KLHL1: variants seen among roughly 807,000 people sequenced by gnomAD.
The protein encoded by KLHL1 is kelch like family member 1, also known as kelch-like protein 1.
In KLHL1, 47 loss-of-function variants were observed where a neutral mutation model predicts 77.7. The ratio of observed to expected loss-of-function variants is 0.60; its 90% CI spans 0.48 to 0.77. KLHL1 has a LOEUF of 0.77. KLHL1 is among the 30% of genes least tolerant of loss of function. The pLI is 0.00. For synonymous variants in KLHL1, 360 were observed against 325.2 expected (o/e 1.11, Z -1.15); for missense variants, 925 against 910.8 (o/e 1.02, Z -0.20).
intron 5 of KLHL1, among the ~76,000 whole-genome samples, chr13:69,840,734 G>A (rs1879224124): frequency 6.7e-6 from 1 of 150,320 alleles, no homozygotes; most frequent in Admixed American, 6.7e-5. Context: ...ATGTATGTAT[G>A]TATAGAAGAT....
intron 7 of KLHL1, among the ~76,000 whole-genome samples, chr13:69,791,023 A>C (rs1463887558): frequency 1.3e-5 from 2 of 152,142 alleles, no homozygotes; most frequent in Non-Finnish European, 2.9e-5. Context: ...TGAATGCTGG[A>C]GGGTCAAGCC....
chr13:69,869,132 A>C (rs1339696252), intron 5 of KLHL1, among the ~76,000 whole-genome samples: 1 of 152,028 alleles, frequency 6.6e-6, no homozygotes, highest in Non-Finnish European at 1.5e-5. Context: ...AATATAAAAG[A>C]AAAAAAGGGG....
intron 5 of KLHL1, among the ~76,000 whole-genome samples, chr13:69,850,889 C>T (rs1593886746): frequency 2.0e-5 from 3 of 151,640 alleles, no homozygotes; most frequent in East Asian, 3.9e-4. Context: ...CGCACTTTGT[C>T]TTTAATGTGG....
At chr13:70,089,027 A>AG (rs1887613478) in intron 1 of KLHL1, among the ~76,000 whole-genome samples, 1 of 152,142 alleles carries the variant, frequency 6.6e-6, no homozygotes, top group African/African-American at 2.4e-5. Flanking sequence ...GGCAGTAATC[A>AG]TGTGAGTTTA....
chr13:69,964,679 A>AT (rs1333427817), intron 2 of KLHL1, among the ~76,000 whole-genome samples: 2 of 152,186 alleles, frequency 1.3e-5, no homozygotes, highest in Admixed American at 1.3e-4. Flanking sequence ...TTTACACTCA[A>AT]TTTTTGTTTT....
At chr13:69,897,782 A>G (rs1881701591) in intron 4 of KLHL1, among the ~76,000 whole-genome samples, 1 of 152,204 alleles carries the variant, frequency 6.6e-6, no homozygotes, top group Admixed American at 6.5e-5. Context: ...TAGTGTTTAT[A>G]GAAGCCCTGC....
At chr13:70,082,465 G>A (rs992557422) in intron 1 of KLHL1, among the ~76,000 whole-genome samples, 8 of 151,784 alleles carry the variant, frequency 5.3e-5, no homozygotes. Flanking sequence ...TTTCCAAAGG[G>A]GGATGTAGAA....
chr13:69,708,296 G>GTTGTT (rs534662349), intron 9 of KLHL1, among the ~76,000 whole-genome samples: 15 of 151,938 alleles, frequency 9.9e-5, no homozygotes, highest in Non-Finnish European at 1.6e-4. Flanking sequence ...TGTTGTTGTT[G>GTTGTT]TTGTTTTGTT....
intron 5 of KLHL1, among the ~76,000 whole-genome samples, chr13:69,876,287 G>C (rs1297518603): frequency 6.6e-6 from 1 of 152,038 alleles, no homozygotes; most frequent in African/African-American, 2.4e-5. Flanking sequence ...AGATGTTTTA[G>C]TTGTAGCTAT....
intron 6 of KLHL1, among the ~76,000 whole-genome samples, chr13:69,833,349 GA>G (rs1390206531): frequency 6.6e-6 from 1 of 151,738 alleles, no homozygotes; most frequent in Non-Finnish European, 1.5e-5. Flanking sequence ...ACAAACATAT[GA>G]AAAAATGCTC....
chr13:69,744,930 A>G (rs992881682), intron 7 of KLHL1, among the ~76,000 whole-genome samples: 11 of 152,016 alleles, frequency 7.2e-5, no homozygotes, highest in African/African-American at 2.7e-4. Context: ...TAAAGCTGCA[A>G]TGTACACTTT....
rs1332056047 is a variant in KLHL1, at chr13:69,831,378, C to T, written c.1414+7598G>A. On this transcript the variant is annotated intron_variant, in intron 6 of 10. Coordinates refer to ENST00000377844, the MANE Select transcript of KLHL1 (RefSeq NM_020866.3). ...TGGATAAATTCCTGGAAATATACCA[C>T]TGTCCTATATTAAACCAGGAAGAAA... Among the ~76,000 whole-genome samples, 3 of 149,960 alleles carry T rather than the reference C, an allele frequency of 2.0e-5. 1 individual carries two copies. The highest frequency in any genetic ancestry group is 2.0e-4 in the Admixed American group (3 of 15,026).
chr13:70,015,997 A>T (rs571101491), intron 1 of KLHL1, among the ~76,000 whole-genome samples: 1 of 152,350 alleles, frequency 6.6e-6, no homozygotes, highest in East Asian at 1.9e-4. Flanking sequence ...AGAGATCAAG[A>T]AAAATAATGT....
chr13:70,060,659 C>T (rs536134966), intron 1 of KLHL1, among the ~76,000 whole-genome samples: 10 of 152,020 alleles, frequency 6.6e-5, no homozygotes, highest in East Asian at 1.9e-4. Context: ...GCCTGGCCAA[C>T]GTGGTGAAAC....
At chr13:69,979,669 C>T (rs1884652311) in intron 1 of KLHL1, among the ~76,000 whole-genome samples, 2 of 152,078 alleles carry the variant, frequency 1.3e-5, no homozygotes, top group African/African-American at 4.8e-5. Flanking sequence ...GTCCCTTATA[C>T]AATGATCTGA....
At chr13:69,989,089 T>C (rs1387953178) in intron 1 of KLHL1, among the ~76,000 whole-genome samples, 6 of 152,146 alleles carry the variant, frequency 3.9e-5, no homozygotes, top group Non-Finnish European at 5.9e-5. Context: ...TTTTATAGTT[T>C]TATGTTTTAC....
At chr13:69,884,776 T>A (rs1033455244) in intron 4 of KLHL1, among the ~76,000 whole-genome samples, 1 of 152,150 alleles carries the variant, frequency 6.6e-6, no homozygotes, top group Admixed American at 6.5e-5. Context: ...TGTTGTAAAT[T>A]ATGAAATTGA....
At chr13:69,792,989 ACT>A (rs950159110) in intron 7 of KLHL1, among the ~76,000 whole-genome samples, 137 of 152,176 alleles carry the variant, frequency 9.0e-4, no homozygotes, top group African/African-American at 3.2e-3. Flanking sequence ...ATTCAAACAC[ACT>A]GATTTCTGTA....
chr13:69,836,114 T>G (rs536577794), intron 6 of KLHL1, among the ~76,000 whole-genome samples: 39 of 152,186 alleles, frequency 2.6e-4, no homozygotes, highest in Non-Finnish European at 5.3e-4. Context: ...GAGCCTGACA[T>G]TCTTTGCCAT....
Sources: gnomAD v4.1 joint callset for allele counts (sites outside exome capture counted in the v4.1 genomes callset) on GRCh38, gnomAD v4.1.1 for gene constraint, MANE v1.5 for transcripts, NCBI Gene and HGNC (gene_info 2026-07-23, HGNC 2026-07-21) for gene names.